Variants in ANXA9 observed in about 807,000 individuals in gnomAD.
ANXA9 encodes annexin A9, also known as annexin 31.
In ANXA9, 47 loss-of-function variants were observed where a neutral mutation model predicts 51.8. That is an observed-to-expected ratio of 0.91 (90% CI 0.72 to 1.16). ANXA9 has a LOEUF of 1.16. Among genes scored for constraint, ANXA9 ranks in the 50% most tolerant of loss-of-function variants. The pLI, the probability that ANXA9 is intolerant of heterozygous loss-of-function variation, is 0.00. For synonymous variants in ANXA9, 154 were observed against 168.7 expected, an observed-to-expected ratio of 0.91 and a Z score of 0.68; for missense variants, 361 against 424.7, an observed-to-expected ratio of 0.85 and a Z score of 1.32.
At position 150,984,085 on chromosome 1, in the gene ANXA9, C is replaced by A. The variant is rs1671490496; in HGVS notation, c.267+16C>A. ...CACCCAACAGGTGAGGCCATGCTGACCTCCCACAGCAGTGGACTGGGGTGA... is the reference window on the plus strand; with the variant it reads ...CACCCAACAGGTGAGGCCATGCTGAACTCCCACAGCAGTGGACTGGGGTGA... On this transcript the variant is annotated intron_variant, in intron 5 of 13. Coordinates refer to ENST00000368947, the MANE Select transcript of ANXA9 (RefSeq NM_003568.3). 6.2e-7 allele frequency: 1 copy of A among 1,605,282 alleles called. No homozygotes were observed. Among genetic ancestry groups the A allele is most frequent in the African/African-American group, 1.3e-5 (1 of 74,378 alleles).
intron 2 of ANXA9, 52 bp downstream of exon 2, chr1:150,982,635 C>T (rs587623579): frequency 2.5e-5 from 4 of 157,880 alleles, no homozygotes; most frequent in Admixed American, 6.1e-5. Flanking sequence ...CTGGGGCTGC[C>T]GGTGGGGGAA....
intron 12 of ANXA9, among the ~76,000 whole-genome samples, chr1:150,991,260 C>T (rs899101774): frequency 6.8e-6 from 1 of 147,984 alleles, no homozygotes; most frequent in Non-Finnish European, 1.5e-5. Context: ...TTTTTTAGAT[C>T]GAGTCTCACT....
intron 2 of ANXA9, 87 bp from the exon 3 acceptor site, chr1:150,983,003 C>T (rs1671448316): frequency 2.1e-6 from 2 of 955,304 alleles, no homozygotes; most frequent in African/African-American, 1.7e-5. Flanking sequence ...GTGACTGGAA[C>T]CCAGGGTCCA....
chr1:150,979,262 G>C (rs889927508), upstream of ANXA9, among the ~76,000 whole-genome samples: 1 of 151,762 alleles, frequency 6.6e-6, no homozygotes, highest in African/African-American at 2.4e-5. Flanking sequence ...CTGGCATGCC[G>C]GCCAGGAGCC....
At chr1:150,983,489 C>T in intron 4 of ANXA9, 55 bp downstream of exon 4, 1 of 1,482,298 alleles carries the variant, frequency 6.7e-7, no homozygotes, top group Non-Finnish European at 9.2e-7. Flanking sequence ...ATCTGTAGAC[C>T]AAGGAGGAGC....
intron 7 of ANXA9, among the ~76,000 whole-genome samples, chr1:150,984,957 T>C (rs1308928829): frequency 1.4e-5 from 2 of 147,606 alleles, no homozygotes; most frequent in East Asian, 2.0e-4. Flanking sequence ...AGCCCAGGAG[T>C]TCAAGACCAG....
chr1:150,986,960 C>T (rs1315085122), intron 9 of ANXA9, among the ~76,000 whole-genome samples: 1 of 152,056 alleles, frequency 6.6e-6, no homozygotes, highest in African/African-American at 2.4e-5. Context: ...TCCTCGGGTA[C>T]CAGGATTTTT....
rs367556667 is a variant in ANXA9, at chr1:150,985,724, T to C, written c.473-612T>C. 2.8e-3 allele frequency among the ~76,000 whole-genome samples: 427 copies of C among 152,182 alleles called. 3 individuals are homozygous for C. Among genetic ancestry groups the C allele is most frequent in the African/African-American group, 9.9e-3 (412 of 41,540 alleles). ...TGGGACTACAGGTGTGCCACCACCA[T>C]GCCCAGCTAAATTTTGTATTTTTTG... On this transcript the variant is annotated intron_variant, in intron 7 of 13. Transcript: ENST00000368947.
intron 12 of ANXA9, among the ~76,000 whole-genome samples, chr1:150,992,825 A>G (rs1361658260): frequency 2.6e-5 from 4 of 152,138 alleles, no homozygotes; most frequent in Non-Finnish European, 5.9e-5. Context: ...CAACAATGAG[A>G]GTATTCAGTT....
At chr1:150,979,261 C>A (rs147453840), upstream of ANXA9, among the ~76,000 whole-genome samples, 1 of 151,764 alleles carries the variant, frequency 6.6e-6, no homozygotes, top group Non-Finnish European at 1.5e-5. Context: ...CCTGGCATGC[C>A]GGCCAGGAGC....
chr1:150,985,689 C>T lies in ANXA9; in HGVS notation c.473-647C>T, dbSNP rs587624417. ...TCAATCAGTCCTCCCACCTCAGCCT[C>T]CTAAGTAGCTGGGACTACAGGTGTG... On this transcript the variant is annotated intron_variant, in intron 7 of 13. Coordinates refer to ENST00000368947, the MANE Select transcript of ANXA9 (RefSeq NM_003568.3). Among the ~76,000 whole-genome samples the T allele has an allele frequency of 3.3e-5, 5 of 152,280 alleles. No homozygotes were observed. The East Asian group carries it at 9.7e-4, about 29-fold the overall frequency.
rs751218588 is a variant in ANXA9 at position 150,986,630 on chromosome 1, T to C, written c.581T>C (p.Ile194Thr). 2 of 1,602,536 alleles carry C rather than the reference T, an allele frequency of 1.2e-6. No individual in the cohort carries two copies. Among genetic ancestry groups the C allele is most frequent in the South Asian group, 2.2e-5 (2 of 89,366 alleles). Reference sequence around the variant, plus strand: ...GGCCGTGACAGCTACTCTGGAATCATTGACTATAATCTGGCAGAACAAGAT... The same window carrying C: ...GGCCGTGACAGCTACTCTGGAATCACTGACTATAATCTGGCAGAACAAGAT... ...KGGRDSYSGI[I>T]DYNLAEQDVQ... is the part of the protein sequence containing the mutation. Residue 194 changes from isoleucine to threonine, a missense_variant, in exon 9 of 14, where the codon ATT becomes ACT. Coordinates refer to ENST00000368947, the MANE Select transcript of ANXA9 (RefSeq NM_003568.3).
At chr1:150,994,449 T>C in intron 12 of ANXA9, 128 bp from the exon 13 acceptor site, 1 of 1,409,256 alleles carries the variant, frequency 7.1e-7, no homozygotes, top group Non-Finnish European at 9.7e-7. Flanking sequence ...AGATAATGTA[T>C]AATGTACACT....
intron 12 of ANXA9, among the ~76,000 whole-genome samples, chr1:150,994,130 C>T (rs1453813713): frequency 6.6e-6 from 1 of 152,144 alleles, no homozygotes; most frequent in African/African-American, 2.4e-5. Flanking sequence ...CTATCAGAGC[C>T]TCATCAGCTC....
chr1:150,984,492 T>A, intron 6 of ANXA9, 94 bp from the exon 7 acceptor site: 1 of 1,530,688 alleles, frequency 6.5e-7, no homozygotes, highest in Non-Finnish European at 9.0e-7. Context: ...CGTCCCATAT[T>A]GTTTCTTAGA....
intron 12 of ANXA9, 41 bp from the exon 13 acceptor site, chr1:150,994,536 A>G: frequency 1.2e-6 from 2 of 1,610,462 alleles, no homozygotes; most frequent in Non-Finnish European, 1.7e-6. Context: ...TCTCAGTGAG[A>G]CTCTCACTAA....
chr1:150,988,679 G>A (rs1671627745), intron 12 of ANXA9, among the ~76,000 whole-genome samples: 1 of 152,180 alleles, frequency 6.6e-6, no homozygotes, highest in African/African-American at 2.4e-5. Context: ...TAATGACAAG[G>A]GCTGGCATTT....
At chr1:150,986,904 C>T (rs929703578) in intron 9 of ANXA9, among the ~76,000 whole-genome samples, 2 of 152,090 alleles carry the variant, frequency 1.3e-5, no homozygotes, top group African/African-American at 4.8e-5. Context: ...CTCTCATGAG[C>T]GTTTGGGGGC....
chr1:150,978,290 G>A (rs971120250), upstream of ANXA9, among the ~76,000 whole-genome samples: 6 of 151,990 alleles, frequency 3.9e-5, no homozygotes, highest in Non-Finnish European at 5.9e-5. Flanking sequence ...AATTAGCTGG[G>A]TGTGGTGGTG....
Sources: gnomAD v4.1 joint callset for allele counts (sites outside exome capture counted in the v4.1 genomes callset) on GRCh38, gnomAD v4.1.1 for gene constraint, MANE v1.5 for transcripts, NCBI Gene and HGNC (gene_info 2026-07-23, HGNC 2026-07-21) for gene names.